GRIP1: variants seen among roughly 807,000 people sequenced by gnomAD.
The protein encoded by GRIP1 is glutamate receptor interacting protein 1, also known as glutamate receptor-interacting protein 1.
Under a neutral mutation model 129.9 loss-of-function variants are expected in GRIP1, and 45 were observed. The ratio of observed to expected loss-of-function variants is 0.35; its 90% CI spans 0.27 to 0.44. GRIP1 has a LOEUF of 0.44. Among genes scored for constraint, GRIP1 ranks in the 20% least tolerant of loss-of-function variants. The pLI is 1.00. For synonymous variants in GRIP1, 530 were observed against 520.8 expected (o/e 1.02, Z -0.24); for missense variants, 1,196 against 1,396.8 (o/e 0.86, Z 2.29).
At chr12:66,510,663 A>ATAGCTTTCC (rs141684458) in intron 7 of GRIP1, among the ~76,000 whole-genome samples, 1,818 of 152,292 alleles carry the variant, frequency 0.012, 38 homozygotes, top group East Asian at 0.1. Flanking sequence ...GATAGTTTCA[A>ATAGCTTTCC]TAGCTTTCCT....
chr12:67,064,690 G>GA (rs1309470481), intron 1 of GRIP1, among the ~76,000 whole-genome samples: 9 of 152,196 alleles, frequency 5.9e-5, no homozygotes, highest in Non-Finnish European at 1.0e-4. Flanking sequence ...TTTGGGAAAT[G>GA]AAACAGGCCA....
At chr12:66,500,053 T>C (rs1022862782) in intron 7 of GRIP1, among the ~76,000 whole-genome samples, 3 of 152,072 alleles carry the variant, frequency 2.0e-5, no homozygotes, top group Admixed American at 6.6e-5. Context: ...TGAAAGGCTG[T>C]AATAGCAGAG....
At chr12:66,710,599 T>C (rs905300866) in intron 1 of GRIP1, among the ~76,000 whole-genome samples, 5 of 151,972 alleles carry the variant, frequency 3.3e-5, no homozygotes, top group Non-Finnish European at 7.4e-5. Context: ...TCCTTGAGAA[T>C]TTACTGTTGC....
chr12:66,465,388 G>A lies in GRIP1; in HGVS notation c.759C>T (p.Val253=), dbSNP rs942719148. 32 of 1,613,744 alleles carry A rather than the reference G, an allele frequency of 2.0e-5. No homozygotes were observed. Among genetic ancestry groups the A allele is most frequent in the Non-Finnish European group, 2.2e-5 (26 of 1,179,770 alleles). The change falls in exon 8 of 25, where the codon GTC becomes GTT. Residue 253 remains valine (V), a synonymous_variant. Coordinates refer to ENST00000359742, the MANE Select transcript of GRIP1 (RefSeq NM_001366722.1). The part of the protein sequence containing the change: ...SVATASGPLL[V]EVAKTPGASL... ...TGGCACCAGGAGTTTTGGCAACTTC[G>A]ACTAGTAGTGGCCCGGATGCTGTTG...
chr12:66,562,605 T>C (rs1413971548), intron 2 of GRIP1, among the ~76,000 whole-genome samples: 2 of 152,212 alleles, frequency 1.3e-5, no homozygotes, highest in Admixed American at 6.5e-5. Flanking sequence ...ACTGTGCTGA[T>C]TTCTCAAAAC....
chr12:66,417,333 T>A (rs1201443490), intron 15 of GRIP1, among the ~76,000 whole-genome samples: 3 of 152,170 alleles, frequency 2.0e-5, no homozygotes, highest in Non-Finnish European at 2.9e-5. Flanking sequence ...GCTGCTAGTA[T>A]CATACTGAAT....
intron 1 of GRIP1, among the ~76,000 whole-genome samples, chr12:66,715,517 A>AGAGAGAGAGAGAGAGAGAG (rs1205183269): frequency 1.4e-5 from 2 of 143,966 alleles, no homozygotes; most frequent in African/African-American, 5.1e-5. Flanking sequence ...AGAGAGAGAG[A>AGAGAGAGAGAGAGAGAGAG]ACTGTCTCCC....
intron 1 of GRIP1, among the ~76,000 whole-genome samples, chr12:66,737,832 T>C (rs2036656213): frequency 6.6e-6 from 1 of 152,100 alleles, no homozygotes; most frequent in Admixed American, 6.5e-5. Context: ...GGCAGACCGA[T>C]GTTATGCCCA....
chr12:66,678,180 AT>A (rs1342011148), intron 1 of GRIP1, among the ~76,000 whole-genome samples: 1 of 152,200 alleles, frequency 6.6e-6, no homozygotes. Context: ...AATACCTTAA[AT>A]ATTACAGAGA....
chr12:66,570,436 T>C (rs993500714), intron 2 of GRIP1, among the ~76,000 whole-genome samples: 33 of 152,118 alleles, frequency 2.2e-4, no homozygotes, highest in Non-Finnish European at 3.7e-4. Context: ...CCAGAGAAGA[T>C]AGAGACCAAA....
chr12:66,727,130 T>C (rs1291159069), intron 1 of GRIP1, among the ~76,000 whole-genome samples: 2 of 152,206 alleles, frequency 1.3e-5, no homozygotes, highest in African/African-American at 2.4e-5. Flanking sequence ...GTGTATCACA[T>C]GTGTGTGCAC....
At chr12:66,384,567 T>C (rs913952573) in intron 19 of GRIP1, among the ~76,000 whole-genome samples, 3 of 152,178 alleles carry the variant, frequency 2.0e-5, no homozygotes, top group South Asian at 2.1e-4. Context: ...CCTATAACAA[T>C]AGATAACCAT....
rs2042503542 is a variant in GRIP1, at chr12:66,998,537, C to A, written c.58+70513G>T. Among the ~76,000 whole-genome samples the A allele has an allele frequency of 2.6e-5, 4 of 152,186 alleles. No individual in the cohort carries two copies. The South Asian group carries it at 8.3e-4, about 32-fold the overall frequency. On this transcript the variant is annotated intron_variant, in intron 1 of 1. Transcript: ENST00000643019. ...AATTGCCTGGAATCCCACTGCAGATCCCTGATAGGTTCATTTTACTTATTC... is the reference window on the plus strand; with the variant it reads ...AATTGCCTGGAATCCCACTGCAGATACCTGATAGGTTCATTTTACTTATTC...
At chr12:66,683,705 C>T (rs2034672699), upstream of GRIP1, among the ~76,000 whole-genome samples, 3 of 152,006 alleles carry the variant, frequency 2.0e-5, no homozygotes, top group Non-Finnish European at 4.4e-5. Flanking sequence ...CGTAACAGTG[C>T]CAAGGAAAGA....
intron 1 of GRIP1, among the ~76,000 whole-genome samples, chr12:66,974,546 C>A (rs1244980949): frequency 6.6e-6 from 1 of 152,114 alleles, no homozygotes; most frequent in African/African-American, 2.4e-5. Flanking sequence ...TAAAAATGAA[C>A]ATAATTTTGA....
intron 2 of GRIP1, among the ~76,000 whole-genome samples, chr12:66,559,763 T>C (rs2062455937): frequency 6.6e-6 from 1 of 152,080 alleles, no homozygotes; most frequent in African/African-American, 2.4e-5. Context: ...AATCTACTAA[T>C]TCAATGCAAT....
intron 1 of GRIP1, among the ~76,000 whole-genome samples, chr12:67,027,733 T>G (rs557313652): frequency 2.2e-4 from 34 of 152,248 alleles, no homozygotes; most frequent in African/African-American, 7.7e-4. Context: ...TAGAACTAGT[T>G]CAGGGCCAGT....
chr12:67,057,808 A>G lies in GRIP1; in HGVS notation c.58+11242T>C, dbSNP rs556752414. Among the ~76,000 whole-genome samples, 4 of 152,342 alleles carry G rather than the reference A, an allele frequency of 2.6e-5. No individual in the cohort carries two copies. The South Asian group carries it at 8.3e-4, about 32-fold the overall frequency. ...CATTTTCATAACTAAAATTACAGGG[A>G]GAAAATGTGAAATGGTAACAAAGAA... On this transcript the variant is annotated intron_variant, in intron 1 of 1. Coordinates refer to the GRIP1 transcript ENST00000643019.
At chr12:66,961,895 GT>G (rs1446726905) in intron 1 of GRIP1, among the ~76,000 whole-genome samples, 1 of 152,088 alleles carries the variant, frequency 6.6e-6, no homozygotes, top group Non-Finnish European at 1.5e-5. Context: ...AAAAAACGTT[GT>G]TTGCTTACTC....
Sources: gnomAD v4.1 joint callset for allele counts (sites outside exome capture counted in the v4.1 genomes callset) on GRCh38, gnomAD v4.1.1 for gene constraint, MANE v1.5 for transcripts, NCBI Gene and HGNC (gene_info 2026-07-23, HGNC 2026-07-21) for gene names.